Variants in SAMD12 observed in about 807,000 individuals in gnomAD.
SAMD12 encodes sterile alpha motif domain containing 12, also known as sterile alpha motif domain-containing protein 12.
A neutral mutation model predicts 15.0 loss-of-function variants in SAMD12; 9 were observed. That is an observed-to-expected ratio of 0.60 (90% CI 0.36 to 1.05). The LOEUF is 1.05. Ranked by LOEUF, SAMD12 falls within the 50% of genes least tolerant of loss-of-function variation. SAMD12 has a pLI of 0.01. For missense variants in SAMD12, 230 were observed against 234.2 expected, an observed-to-expected ratio of 0.98 and a Z score of 0.12; for synonymous variants, 86 against 90.1, an observed-to-expected ratio of 0.96 and a Z score of 0.25.
At chr8:118,411,341 G>A (rs7822426) in intron 3 of SAMD12, among the ~76,000 whole-genome samples, 1 of 152,170 alleles carries the variant, frequency 6.6e-6, no homozygotes, top group African/African-American at 2.4e-5. Context: ...AAGTAACAAA[G>A]GTTTTAATTA....
chr8:118,476,505 G>C (rs1413693759), intron 2 of SAMD12, among the ~76,000 whole-genome samples: 3 of 152,184 alleles, frequency 2.0e-5, no homozygotes, highest in African/African-American at 7.2e-5. Flanking sequence ...AGAAAGATGA[G>C]ACATCTTTAA....
intron 4 of SAMD12, among the ~76,000 whole-genome samples, chr8:118,319,823 A>G (rs146509885): frequency 2.0e-3 from 310 of 152,300 alleles, no homozygotes; most frequent in African/African-American, 7.2e-3. Context: ...GAGATAATAT[A>G]TAAGTTTAAA....
intron 4 of SAMD12, among the ~76,000 whole-genome samples, chr8:118,280,189 A>C (rs953424866): frequency 6.6e-6 from 1 of 152,262 alleles, no homozygotes; most frequent in African/African-American, 2.4e-5. Flanking sequence ...CTGACCAAGG[A>C]ATTCCAAAAG....
intron 3 of SAMD12, among the ~76,000 whole-genome samples, chr8:118,386,836 C>G (rs550710534): frequency 6.6e-6 from 1 of 152,304 alleles, no homozygotes; most frequent in East Asian, 1.9e-4. Context: ...TTGGAAATGA[C>G]AGGGGAAGCT....
intron 2 of SAMD12, among the ~76,000 whole-genome samples, chr8:118,534,348 C>T (rs1466400444): frequency 4.6e-5 from 7 of 152,070 alleles, no homozygotes; most frequent in African/African-American, 7.2e-5. Flanking sequence ...GTGGGTAACC[C>T]GACCTTGCTC....
At chr8:118,468,992 T>C (rs1211665720) in intron 2 of SAMD12, among the ~76,000 whole-genome samples, 1 of 152,200 alleles carries the variant, frequency 6.6e-6, no homozygotes, top group East Asian at 1.9e-4. Context: ...TCCCATCACA[T>C]TCATCTCCTT....
chr8:118,590,905 C>A (rs1291772971), intron 1 of SAMD12, among the ~76,000 whole-genome samples: 1 of 152,090 alleles, frequency 6.6e-6, no homozygotes, highest in Non-Finnish European at 1.5e-5. Context: ...AAAAAATAAG[C>A]TTTTCCAAGA....
intron 4 of SAMD12, among the ~76,000 whole-genome samples, chr8:118,229,627 A>C (rs181429579): frequency 3.3e-5 from 5 of 152,300 alleles, no homozygotes; most frequent in Non-Finnish European, 5.9e-5. Flanking sequence ...AAAGGCTGAA[A>C]ATCTACAACA....
intron 2 of SAMD12, among the ~76,000 whole-genome samples, chr8:118,565,117 G>A (rs1826810775): frequency 6.6e-6 from 1 of 152,152 alleles, no homozygotes; most frequent in African/African-American, 2.4e-5. Context: ...CAGTGCTGGT[G>A]AAAAGCAAAT....
the SAMD12 span, among the ~76,000 whole-genome samples, chr8:118,156,299 A>G: frequency 1.5e-3 from 223 of 152,334 alleles, no homozygotes; most frequent in African/African-American, 4.6e-3. Context: ...GTGGTATAAG[A>G]TAACATCAGA....
intron 4 of SAMD12, chr8:118,282,258 G>A: frequency 2.2e-6 from 1 of 456,186 alleles, no homozygotes; most frequent in Middle Eastern, 3.3e-4. Context: ...ACACCTAAGA[G>A]GAACTTTTAA....
chr8:118,598,175 G>A (rs1039807578), intron 1 of SAMD12, among the ~76,000 whole-genome samples: 17 of 152,146 alleles, frequency 1.1e-4, no homozygotes, highest in Non-Finnish European at 1.9e-4. Context: ...AGTTTCATCC[G>A]AGAATCAAAG....
intron 3 of SAMD12, among the ~76,000 whole-genome samples, chr8:118,407,472 A>G (rs2130803689): frequency 6.6e-6 from 1 of 152,324 alleles, no homozygotes. Flanking sequence ...CTTAAGGAAA[A>G]TAAATCACAC....
chr8:118,314,961 C>T (rs4592080), intron 4 of SAMD12, among the ~76,000 whole-genome samples: 72,685 of 152,132 alleles, frequency 0.48, 19,928 homozygotes, highest in African/African-American at 0.77. Flanking sequence ...AAAGAAACTT[C>T]TTAAAAACTT....
chr8:118,393,497 G>A (rs1031808436), intron 3 of SAMD12, among the ~76,000 whole-genome samples: 2 of 151,904 alleles, frequency 1.3e-5, no homozygotes, highest in African/African-American at 4.8e-5. Flanking sequence ...CCATCCTCTG[G>A]CCTTGGCCTC....
At chr8:118,149,974 T>A in the SAMD12 span, among the ~76,000 whole-genome samples, 12 of 152,230 alleles carry the variant, frequency 7.9e-5, no homozygotes, top group Non-Finnish European at 1.2e-4. Flanking sequence ...TTGAATTCTT[T>A]AATCCCAGTG....
chr8:118,366,928 A>C (rs1818834039), intron 4 of SAMD12, among the ~76,000 whole-genome samples: 1 of 151,300 alleles, frequency 6.6e-6, no homozygotes, highest in Non-Finnish European at 1.5e-5. Context: ...AATGAACAAA[A>C]TGAAAAGGGG....
intron 2 of SAMD12, among the ~76,000 whole-genome samples, chr8:118,491,147 C>T (rs1231821677): frequency 6.6e-6 from 1 of 152,164 alleles, no homozygotes. Flanking sequence ...TCCCTGTGCT[C>T]CAGTTATACT....
At chr8:118,152,774 C>T in the SAMD12 span, among the ~76,000 whole-genome samples, 2 of 152,136 alleles carry the variant, frequency 1.3e-5, no homozygotes, top group African/African-American at 4.8e-5. Context: ...GCTGGGATTA[C>T]AAGCGTGAGC....
Sources: allele counts gnomAD v4.1 joint callset (sites outside exome capture counted in the v4.1 genomes callset), GRCh38; gene constraint gnomAD v4.1.1; transcripts MANE v1.5; gene names NCBI Gene and HGNC (gene_info 2026-07-23, HGNC 2026-07-21).